Variants in RORA observed in about 807,000 individuals in gnomAD.
RORA encodes the protein RAR related orphan receptor A, also known as nuclear receptor ROR-alpha.
RORA carries 7 observed loss-of-function variants against 69.5 expected under a neutral mutation model. The observed-to-expected ratio is 0.10, with a 90% CI of 0.06 to 0.19. The LOEUF is 0.19. Among genes scored for constraint, RORA ranks in the 10% least tolerant of loss-of-function variants. The pLI, the probability that RORA is intolerant of heterozygous loss-of-function variation, is 1.00. For missense variants in RORA, 457 were observed against 663.0 expected, an observed-to-expected ratio of 0.69 and a Z score of 3.41; for synonymous variants, 261 against 240.8, an observed-to-expected ratio of 1.08 and a Z score of -0.78.
chr15:60,831,216 C>T (rs1263190443), intron 1 of RORA, among the ~76,000 whole-genome samples: 1 of 152,290 alleles, frequency 6.6e-6, no homozygotes, highest in East Asian at 1.9e-4. Context: ...GTCTTCTTTG[C>T]CTTGAAGCTG....
At chr15:60,577,627 G>C (rs2068064080) in intron 2 of RORA, among the ~76,000 whole-genome samples, 1 of 137,324 alleles carries the variant, frequency 7.3e-6, no homozygotes, top group Non-Finnish European at 1.5e-5. Context: ...CTGGGTGACA[G>C]AGTGAGACTC....
intron 1 of RORA, among the ~76,000 whole-genome samples, chr15:60,874,571 T>C (rs1194044479): frequency 6.6e-6 from 1 of 152,182 alleles, no homozygotes; most frequent in Non-Finnish European, 1.5e-5. Flanking sequence ...ACTTTATTAA[T>C]ATAGAAAGGC....
intron 1 of RORA, among the ~76,000 whole-genome samples, chr15:60,700,813 T>A (rs1389308801): frequency 6.6e-6 from 1 of 152,192 alleles, no homozygotes; most frequent in Non-Finnish European, 1.5e-5. Flanking sequence ...TCCTTCAAGA[T>A]CCAAAGCAGG....
chr15:60,522,538 C>T (rs567811643), intron 3 of RORA, among the ~76,000 whole-genome samples: 2 of 152,208 alleles, frequency 1.3e-5, no homozygotes, highest in South Asian at 2.1e-4. Context: ...CTTTGAGAGG[C>T]TGAGGCAGGA....
At chr15:60,626,757 C>A (rs1391287808) in intron 2 of RORA, among the ~76,000 whole-genome samples, 1 of 152,168 alleles carries the variant, frequency 6.6e-6, no homozygotes, top group African/African-American at 2.4e-5. Context: ...AGAACAGTTT[C>A]TCTGCCTTAA....
At chr15:60,855,845 GACA>G (rs1174958064) in intron 1 of RORA, among the ~76,000 whole-genome samples, 7 of 152,182 alleles carry the variant, frequency 4.6e-5, no homozygotes, top group Admixed American at 4.6e-4. Flanking sequence ...TCGAACTCCT[GACA>G]ACGTGATCCA....
At chr15:61,101,010 G>C (rs140272929) in intron 1 of RORA, among the ~76,000 whole-genome samples, 66 of 152,336 alleles carry the variant, frequency 4.3e-4, no homozygotes, top group African/African-American at 1.6e-3. Flanking sequence ...TCTCCTTGAA[G>C]ATAGATAATG....
At chr15:61,081,945 A>G (rs2078548523) in intron 1 of RORA, among the ~76,000 whole-genome samples, 1 of 152,236 alleles carries the variant, frequency 6.6e-6, no homozygotes, top group African/African-American at 2.4e-5. Flanking sequence ...AATAATAACT[A>G]GAATTCTAGA....
At chr15:60,744,277 C>G (rs772933728) in intron 1 of RORA, among the ~76,000 whole-genome samples, 2 of 152,048 alleles carry the variant, frequency 1.3e-5, no homozygotes, top group Non-Finnish European at 2.9e-5. Context: ...TTTTGAAAAC[C>G]AATGTGTGCT....
chr15:60,629,361 AT>A (rs544076273), intron 2 of RORA, among the ~76,000 whole-genome samples: 41 of 151,726 alleles, frequency 2.7e-4, no homozygotes, highest in Non-Finnish European at 4.4e-4. Flanking sequence ...TAATTTTTGC[AT>A]TTTTAGTAGA....
At chr15:60,526,856 G>A (rs1346099455) in intron 3 of RORA, among the ~76,000 whole-genome samples, 1 of 152,148 alleles carries the variant, frequency 6.6e-6, no homozygotes, top group African/African-American at 2.4e-5. Flanking sequence ...TTCATATAAA[G>A]CTGCTTTTTA....
At chr15:61,108,426 T>G (rs1003994999) in intron 1 of RORA, among the ~76,000 whole-genome samples, 1 of 152,244 alleles carries the variant, frequency 6.6e-6, no homozygotes, top group African/African-American at 2.4e-5. Context: ...CAAACTGACC[T>G]GTGGGCTGAA....
rs543400492 is a variant in RORA at position 60,707,804 on chromosome 15, C to G, written c.167-29118G>C. Among the ~76,000 whole-genome samples, 42 of 152,274 alleles carry G rather than the reference C, an allele frequency of 2.8e-4. 1 individual carries two copies. The South Asian group carries it at 6.0e-3, about 22-fold the overall frequency. On this transcript the variant is annotated intron_variant, in intron 1 of 10. Coordinates refer to ENST00000335670, the MANE Select transcript of RORA (RefSeq NM_134261.3). ...ATGAAGTTCCCATTTGTGTCCAGTT[C>G]TTGGCTGGTACACTGGCCATCCTCC...
intron 1 of RORA, among the ~76,000 whole-genome samples, chr15:61,133,143 C>T (rs1034850886): frequency 5.3e-5 from 8 of 151,078 alleles, no homozygotes; most frequent in Admixed American, 4.6e-4. Context: ...TATCCCCCCA[C>T]CAAAAAAAAA....
chr15:61,070,725 A>G (rs961868292), intron 1 of RORA, among the ~76,000 whole-genome samples: 1 of 152,236 alleles, frequency 6.6e-6, no homozygotes, highest in Non-Finnish European at 1.5e-5. Context: ...TGACCTGCCC[A>G]GGGCCATCTA....
chr15:61,070,747 T>G (rs542798974), intron 1 of RORA, among the ~76,000 whole-genome samples: 5 of 152,326 alleles, frequency 3.3e-5, no homozygotes, highest in African/African-American at 1.2e-4. Context: ...CTAGTAGGTG[T>G]TGGAGTTTGT....
intron 1 of RORA, among the ~76,000 whole-genome samples, chr15:61,055,359 T>C (rs1369871216): frequency 6.6e-6 from 1 of 152,210 alleles, no homozygotes; most frequent in African/African-American, 2.4e-5. Context: ...TAAGCATGGC[T>C]TCACTAAGGG....
intron 1 of RORA, among the ~76,000 whole-genome samples, chr15:61,190,606 C>T (rs1596060492): frequency 6.6e-6 from 1 of 151,962 alleles, no homozygotes; most frequent in Non-Finnish European, 1.5e-5. Context: ...ACAAAAAATA[C>T]AATGGGAGTC....
chr15:60,797,340 A>C (rs1248641516), intron 1 of RORA, among the ~76,000 whole-genome samples: 1 of 152,142 alleles, frequency 6.6e-6, no homozygotes. Context: ...GGCTGGGAGA[A>C]GGGACAGTTC....
Sources: allele counts gnomAD v4.1 joint callset (sites outside exome capture counted in the v4.1 genomes callset), GRCh38; gene constraint gnomAD v4.1.1; transcripts MANE v1.5; gene names NCBI Gene and HGNC (gene_info 2026-07-23, HGNC 2026-07-21).